CEP250: variants seen among roughly 807,000 people sequenced by gnomAD.
CEP250 encodes centrosomal protein 250.
A neutral mutation model predicts 315.7 loss-of-function variants in CEP250; 242 were observed. That is an observed-to-expected ratio of 0.77 (90% CI 0.69 to 0.85). The LOEUF (loss-of-function observed/expected upper bound fraction) is 0.85, where lower values mean the gene tolerates loss of function less well. Ranked by LOEUF, CEP250 falls within the 40% of genes least tolerant of loss-of-function variation. The pLI, the probability that CEP250 is intolerant of heterozygous loss-of-function variation, is 0.00. For synonymous variants in CEP250, 1,088 were observed against 1,175.0 expected, an observed-to-expected ratio of 0.93 and a Z score of 1.51; for missense variants, 2,515 against 2,886.4, an observed-to-expected ratio of 0.87 and a Z score of 2.95.
Position 35,504,828 on chromosome 20 carries a change from G to A in CEP250, c.6459G>A (p.Glu2153=), listed in dbSNP as rs371730577. 15 of 1,614,106 alleles carry A rather than the reference G, an allele frequency of 9.3e-6. No homozygotes were observed. The highest frequency in any genetic ancestry group is 1.2e-5 in the Non-Finnish European group (14 of 1,180,026). Residue 2153 remains glutamate, a synonymous_variant, in exon 30 of 35, where the codon GAG becomes GAA. Coordinates refer to ENST00000397527, the MANE Select transcript of CEP250 (RefSeq NM_007186.6). Reference sequence around the variant, plus strand: ...AGCCCAGGCTGCAGCGGGAGCTGGAGCGGCTACAGGCAGCCCTGAGACAGA... The same window carrying A: ...AGCCCAGGCTGCAGCGGGAGCTGGAACGGCTACAGGCAGCCCTGAGACAGA... ...SLEPRLQREL[E]RLQAALRQTE... is the part of the protein sequence containing the mutation.
intron 20 of CEP250, among the ~76,000 whole-genome samples, chr20:35,490,079 G>A (rs1162967615): frequency 6.6e-6 from 1 of 152,048 alleles, no homozygotes; most frequent in Non-Finnish European, 1.5e-5. Flanking sequence ...TTGGGAGGCC[G>A]AGGCAGGCAG....
In CEP250 at chr20:35,476,475, G is replaced by A. The variant is rs1027486816; in HGVS notation, c.1743G>A (p.Ser581=). The A allele has an allele frequency of 1.9e-6, 3 of 1,613,846 alleles. No individual in the cohort carries two copies. The highest frequency in any genetic ancestry group is 2.2e-5 in the East Asian group (1 of 44,882). The change falls in exon 16 of 35, where the codon TCG becomes TCA. Residue 581 remains serine (S), a synonymous_variant. Transcript: ENST00000397527. ...CAGAGCAGTCAATTGCAGAGCTGTC[G>A]AGTTCTGAAAACACCCTGAAGACAG... ...ARAEQSIAEL[S]SSENTLKTEV... is the part of the protein sequence containing the mutation.
In CEP250 at chr20:35,512,125, C is replaced by G. The variant is rs970047550; in HGVS notation, c.*499C>G. On this transcript the variant is annotated 3_prime_UTR_variant, in exon 35 of 35. Transcript: ENST00000397527. ...ATAGGGAAGGGTTACAGAGAACACA[C>G]AAGACAAAGCCCCTGTCCACAGACA... 3 of 783,934 alleles carry G rather than the reference C, an allele frequency of 3.8e-6. No individual in the cohort carries two copies. The African/African-American group carries it at 5.6e-5, about 15-fold the overall frequency. 48.6% of individuals were successfully genotyped at this position (783,934 alleles called of 1,614,324 possible). A position where few individuals can be genotyped will look rare whatever the true frequency, so the allele number is the denominator to read the frequency against.
At chr20:35,484,268 A>C (rs1386435375) in intron 20 of CEP250, among the ~76,000 whole-genome samples, 1 of 151,290 alleles carries the variant, frequency 6.6e-6, no homozygotes. Flanking sequence ...GAGGCAAAGG[A>C]GTTTTTCCTC....
chr20:35,456,357 ATGACT>A (rs1296883953), intron 1 of CEP250, among the ~76,000 whole-genome samples: 2 of 152,202 alleles, frequency 1.3e-5, no homozygotes. Flanking sequence ...AGGGCATTTG[ATGACT>A]TGACTAGATT....
chr20:35,456,117 A>G (rs1274353633), intron 1 of CEP250, among the ~76,000 whole-genome samples: 1 of 151,806 alleles, frequency 6.6e-6, no homozygotes, highest in East Asian at 1.9e-4. Flanking sequence ...CTGATCTCGA[A>G]CTCCCGACCT....
intron 20 of CEP250, among the ~76,000 whole-genome samples, chr20:35,485,726 A>G (rs2063493164): frequency 7.8e-6 from 1 of 128,276 alleles, no homozygotes; most frequent in Non-Finnish European, 1.5e-5. Context: ...TGGTACAATC[A>G]TGGCTCACTG....
chr20:35,489,495 C>G (rs2063622671), intron 20 of CEP250, among the ~76,000 whole-genome samples: 1 of 152,206 alleles, frequency 6.6e-6, no homozygotes, highest in African/African-American at 2.4e-5. Flanking sequence ...GAGAATGACA[C>G]TGTTGTTATC....
chr20:35,498,758 T>A (rs1253022644), intron 27 of CEP250, 42 bp downstream of exon 27: 2 of 1,517,136 alleles, frequency 1.3e-6, no homozygotes, highest in Non-Finnish European at 1.8e-6. Context: ...TTTACATCCC[T>A]GGAAAAGCAT....
Position 35,467,071 on chromosome 20 carries a change from A to T in CEP250, c.598A>T (p.Arg200Ter). 6.3e-7 allele frequency: 1 copy of T among 1,588,668 alleles called. No homozygotes were observed. The highest frequency in any genetic ancestry group is 8.6e-7 in the Non-Finnish European group (1 of 1,165,724). The change falls in exon 8 of 35, where the codon AGA (arginine) becomes TGA (stop). Residue 200 changes from arginine (R) to a stop codon, truncating the protein, a stop_gained and splice_region_variant. Transcript: ENST00000397527. LOFTEE classifies it high-confidence loss of function. Reference protein sequence around the residue: ...HFLEMKSATDRDLMELKAEHV... With the variant: ...HFLEMKSATD ...CCTGGAAATGAAGTCAGCTACTGAC[A>T]GGTCAGTGTGGGGAGAAGAAGGGAG...
chr20:35,479,544 C>T, intron 18 of CEP250, 102 bp from the exon 19 acceptor site: 3 of 1,548,726 alleles, frequency 1.9e-6, no homozygotes, highest in Non-Finnish European at 2.6e-6. Context: ...ATAATTGCCC[C>T]CCTAACTTCT....
At chr20:35,479,124 C>T in intron 17 of CEP250, 107 bp from the exon 18 acceptor site, 1 of 1,111,938 alleles carries the variant, frequency 9.0e-7, no homozygotes, top group Non-Finnish European at 1.3e-6. Flanking sequence ...TCCGGGCTCA[C>T]AGAGCTGGGT....
chr20:35,503,855 CCCAGGG>C lies in CEP250; in HGVS notation c.5487_5492del (p.Gly1831_Gln1832del), dbSNP rs1371016350. ...GCTCTGCAGCAAGAACAGCAGCAGGCCCAGGGACAGGAGGAGAGGGTGAAGGAAAAG... is the reference window on the plus strand; with the variant it reads ...GCTCTGCAGCAAGAACAGCAGCAGGCACAGGAGGAGAGGGTGAAGGAAAAG... On this transcript the variant is annotated inframe_deletion, in exon 30 of 35. Coordinates refer to ENST00000397527, the MANE Select transcript of CEP250 (RefSeq NM_007186.6). The surrounding 1 kb of genome is among the most constrained non-coding windows in gnomAD (Gnocchi z 4.2). 1.2e-6 allele frequency: 2 copies of C among 1,613,878 alleles called. No homozygotes were observed. The highest frequency in any genetic ancestry group is 1.7e-6 in the Non-Finnish European group (2 of 1,179,940).
At chr20:35,461,983 C>T (rs1232187467) in intron 3 of CEP250, among the ~76,000 whole-genome samples, 2 of 152,178 alleles carry the variant, frequency 1.3e-5, no homozygotes, top group African/African-American at 4.8e-5. Context: ...ACTAAGAACA[C>T]CTTCAGCGAT....
At chr20:35,463,505 C>CA (rs2062804589) in intron 4 of CEP250, 70 bp from the exon 5 acceptor site, 1 of 1,415,102 alleles carries the variant, frequency 7.1e-7, no homozygotes, top group Non-Finnish European at 9.6e-7. Flanking sequence ...CTAAGATCCT[C>CA]AGGGGCCTTT....
intron 26 of CEP250, 113 bp downstream of exon 26, chr20:35,498,180 C>T: frequency 2.4e-6 from 2 of 828,564 alleles, no homozygotes; most frequent in Non-Finnish European, 3.6e-6. Flanking sequence ...GTTAAGATTA[C>T]ATACTTGGGA....
Position 35,508,132 on chromosome 20 carries a change from A to T in CEP250, c.6848A>T (p.Glu2283Val). 6.2e-7 allele frequency: 1 copy of T among 1,613,900 alleles called. No individual in the cohort carries two copies. Among genetic ancestry groups the T allele is most frequent in the South Asian group, 1.1e-5 (1 of 91,058 alleles). The change falls in exon 32 of 35, where the codon GAG (glutamate) becomes GTG (valine). Residue 2283 changes from glutamate to valine, a missense_variant. Transcript: ENST00000397527. ...CTGCAGCAAGCAGTGGCCCGGCTGG[A>T]GATTGACAGGAGCAGGCTGCAGCGC... is the stretch of plus-strand genomic sequence containing the variant. ...EHLQQAVARL[E>V]IDRSRLQRHN...
chr20:35,458,582 C>G (rs1244202768), intron 2 of CEP250, among the ~76,000 whole-genome samples: 2 of 151,760 alleles, frequency 1.3e-5, no homozygotes, highest in African/African-American at 4.8e-5. Context: ...TGTTAGTTTG[C>G]CAGCTACTGC....
rs995811615 is a variant in CEP250, at chr20:35,473,951, A to T, written c.1470A>T (p.Arg490=). Residue 490 remains arginine (R), a synonymous_variant, in exon 14 of 35, where the codon CGA becomes CGT. Coordinates refer to ENST00000397527, the MANE Select transcript of CEP250 (RefSeq NM_007186.6). The part of the protein sequence containing the change: ...EVLEQEAWRL[R]RVNVELQLQG... ...TAGAGCAGGAGGCATGGCGCCTGCG[A>T]AGGGTAAATGTGGAGCTTCAGCTGC... 1 of 1,611,968 alleles carries T rather than the reference A, an allele frequency of 6.2e-7. No homozygotes were observed.
Sources: gnomAD v4.1 joint callset for allele counts (sites outside exome capture counted in the v4.1 genomes callset) on GRCh38, gnomAD v4.1.1 for gene constraint, Gnocchi (gnomAD v3.1) non-coding constraint, MANE v1.5 for transcripts, NCBI Gene and HGNC (gene_info 2026-07-23, HGNC 2026-07-21) for gene names.